TTC28: variants seen among roughly 807,000 people sequenced by gnomAD.
TTC28 encodes the protein tetratricopeptide repeat domain 28.
Under a neutral mutation model 198.0 loss-of-function variants are expected in TTC28, and 61 were observed. The ratio of observed to expected loss-of-function variants is 0.31; its 90% CI spans 0.25 to 0.38. The LOEUF is 0.38. TTC28 is among the 10% of genes least tolerant of loss of function. The pLI is 1.00. For missense variants in TTC28, 2,678 were observed against 3,164.0 expected (o/e 0.85, Z 3.69); for synonymous variants, 1,171 against 1,297.8 (o/e 0.90, Z 2.10).
intron 2 of TTC28, among the ~76,000 whole-genome samples, chr22:28,377,838 A>C (rs1001488695): frequency 6.6e-6 from 1 of 152,240 alleles, no homozygotes; most frequent in Non-Finnish European, 1.5e-5. Context: ...AGGAAAATAA[A>C]GCCCATAAAG....
intron 5 of TTC28, among the ~76,000 whole-genome samples, chr22:28,268,109 G>T (rs1488559836): frequency 1.3e-5 from 2 of 152,104 alleles, no homozygotes; most frequent in Non-Finnish European, 2.9e-5. Context: ...CCAGATTAAT[G>T]GTCTGGTCCC....
In TTC28 at chr22:28,061,531, T is replaced by C. The variant is rs1255297114; in HGVS notation, c.3933-31165A>G. 2.0e-5 allele frequency among the ~76,000 whole-genome samples: 3 copies of C among 152,216 alleles called. No homozygotes were observed. The East Asian group carries it at 5.8e-4, about 29-fold the overall frequency. On this transcript the variant is annotated intron_variant, in intron 12 of 22. Coordinates refer to ENST00000397906, the MANE Select transcript of TTC28 (RefSeq NM_001145418.2). ...TTGTCAAAGATCAGATGGTTGTGGA[T>C]GTGTGGCGTTATACCTGAGGGCTCT...
At chr22:28,271,978 C>G (rs929528785) in intron 5 of TTC28, among the ~76,000 whole-genome samples, 1 of 152,118 alleles carries the variant, frequency 6.6e-6, no homozygotes, top group African/African-American at 2.4e-5. Flanking sequence ...GTAAGACATG[C>G]CTTTTGCCTT....
chr22:28,441,871 T>C (rs967917645), intron 2 of TTC28, among the ~76,000 whole-genome samples: 11 of 133,258 alleles, frequency 8.3e-5, no homozygotes, highest in African/African-American at 3.2e-4. Flanking sequence ...CACGGCCAAA[T>C]GAGGTATTTG....
intron 1 of TTC28, among the ~76,000 whole-genome samples, chr22:28,675,915 T>C (rs1216893172): frequency 2.0e-5 from 3 of 152,046 alleles, no homozygotes; most frequent in Non-Finnish European, 2.9e-5. Flanking sequence ...CGAGACCCCT[T>C]ATCTACAAAA....
At chr22:28,340,135 C>A (rs1161136863) in intron 2 of TTC28, among the ~76,000 whole-genome samples, 1 of 152,124 alleles carries the variant, frequency 6.6e-6, no homozygotes, top group Non-Finnish European at 1.5e-5. Context: ...GAATAAGGAA[C>A]AAACCTTGGG....
chr22:28,039,635 G>A lies in TTC28; in HGVS notation c.3933-9269C>T, dbSNP rs187881373. Among the ~76,000 whole-genome samples, 912 of 152,148 alleles carry A rather than the reference G, an allele frequency of 6.0e-3. 6 individuals are homozygous for A. The highest frequency in any genetic ancestry group is 8.6e-3 in the Non-Finnish European group (585 of 67,990). ...GTATACATATGTAACAAACCTGCAC[G>A]TTGTGCACATGTACCCTAAAACTTA... On this transcript the variant is annotated intron_variant, in intron 12 of 22. Transcript: ENST00000397906.
intron 1 of TTC28, among the ~76,000 whole-genome samples, chr22:28,653,065 T>C (rs1409349243): frequency 6.6e-6 from 1 of 152,212 alleles, no homozygotes; most frequent in Non-Finnish European, 1.5e-5. Flanking sequence ...ATGAAAATTA[T>C]TTTAAGCTGA....
intron 2 of TTC28, among the ~76,000 whole-genome samples, chr22:28,317,983 A>G (rs2145839868): frequency 1.3e-5 from 2 of 152,036 alleles, no homozygotes; most frequent in Middle Eastern, 6.9e-3. Context: ...GGTTCACTGC[A>G]TCCTTGACAT....
At chr22:28,145,867 T>C (rs1459606707) in intron 6 of TTC28, among the ~76,000 whole-genome samples, 3 of 152,222 alleles carry the variant, frequency 2.0e-5, no homozygotes, top group East Asian at 3.8e-4. Context: ...TTATACATAC[T>C]AACTCATTCA....
At chr22:28,262,121 A>G (rs1341751269) in intron 5 of TTC28, among the ~76,000 whole-genome samples, 2 of 152,096 alleles carry the variant, frequency 1.3e-5, no homozygotes, top group Non-Finnish European at 2.9e-5. Context: ...AATAACAAAG[A>G]GAAGGAGAAG....
chr22:28,099,147 A>G (rs1385803240), intron 9 of TTC28, 103 bp from the exon 10 acceptor site: 2 of 1,431,230 alleles, frequency 1.4e-6, no homozygotes, highest in Admixed American at 2.4e-5. Context: ...CACAACCTAA[A>G]TATTTTTTAC....
chr22:28,078,661 ATATAGTC>A (rs1941242165), intron 12 of TTC28, among the ~76,000 whole-genome samples: 1 of 152,204 alleles, frequency 6.6e-6, no homozygotes, highest in Non-Finnish European at 1.5e-5. Flanking sequence ...CTATAGGAAA[ATATAGTC>A]TATAAAACAA....
intron 5 of TTC28, among the ~76,000 whole-genome samples, chr22:28,276,456 G>A (rs148814293): frequency 5.8e-4 from 89 of 152,266 alleles, no homozygotes; most frequent in African/African-American, 1.9e-3. Context: ...AGATGGATCT[G>A]AATTAGTAAT....
chr22:28,464,986 C>T (rs76762649), intron 2 of TTC28, among the ~76,000 whole-genome samples: 2,843 of 152,304 alleles, frequency 0.019, 28 homozygotes, highest in Non-Finnish European at 0.026. Context: ...AGATGCTTTC[C>T]ATTTTTATAG....
intron 9 of TTC28, 134 bp from the exon 10 acceptor site, chr22:28,099,178 G>C: frequency 2.4e-6 from 3 of 1,253,274 alleles, no homozygotes; most frequent in Non-Finnish European, 3.3e-6. Context: ...GGAAGAGTCT[G>C]ATGTCCAGGT....
At chr22:28,256,194 G>A (rs1239922408) in intron 5 of TTC28, among the ~76,000 whole-genome samples, 1 of 152,006 alleles carries the variant, frequency 6.6e-6, no homozygotes, top group African/African-American at 2.4e-5. Flanking sequence ...GGCTGAGGCA[G>A]GCAGATCACC....
chr22:28,380,068 A>G (rs1007264892), intron 2 of TTC28, among the ~76,000 whole-genome samples: 4 of 112,678 alleles, frequency 3.5e-5, no homozygotes, highest in South Asian at 4.6e-4. Flanking sequence ...AACATTAAAG[A>G]AAGCTAGGTG....
chr22:28,600,699 A>G (rs920907135), intron 2 of TTC28, among the ~76,000 whole-genome samples: 2 of 152,212 alleles, frequency 1.3e-5, no homozygotes, highest in Admixed American at 1.3e-4. Flanking sequence ...CAAAAGCCAC[A>G]TAATGTAGAA....
Sources: gnomAD v4.1 joint callset for allele counts (sites outside exome capture counted in the v4.1 genomes callset) on GRCh38, gnomAD v4.1.1 for gene constraint, MANE v1.5 for transcripts, NCBI Gene and HGNC (gene_info 2026-07-23, HGNC 2026-07-21) for gene names.